Variants in CDKL3 observed in about 807,000 individuals in gnomAD.
CDKL3 encodes the protein cyclin dependent kinase like 3, also known as cyclin-dependent kinase-like 3.
CDKL3 carries 65 observed loss-of-function variants against 69.3 expected under a neutral mutation model. That is an observed-to-expected ratio of 0.94 (90% CI 0.77 to 1.15). The LOEUF (loss-of-function observed/expected upper bound fraction) is 1.15. CDKL3 is among the 50% of genes most tolerant of loss of function. The probability of loss-of-function intolerance (pLI) is 0.00; values close to 1 mark genes in which losing one functional copy is unlikely to be tolerated. For synonymous variants in CDKL3, 202 were observed against 221.6 expected (o/e 0.91, Z 0.79); for missense variants, 652 against 689.2 (o/e 0.95, Z 0.61).
chr5:134,317,882 TG>T (rs1771592374), intron 6 of CDKL3, among the ~76,000 whole-genome samples: 1 of 152,070 alleles, frequency 6.6e-6, no homozygotes, highest in Non-Finnish European at 1.5e-5. Flanking sequence ...CATTCTGACC[TG>T]GGTGAAAGAG....
chr5:134,362,451 C>T (rs1003079373), intron 2 of CDKL3, among the ~76,000 whole-genome samples: 19 of 151,288 alleles, frequency 1.3e-4, no homozygotes, highest in Admixed American at 1.1e-3. Flanking sequence ...CCCGGGAGGC[C>T]GAGGTTGTGG....
intron 4 of CDKL3, among the ~76,000 whole-genome samples, chr5:134,341,968 GC>G (rs1436140233): frequency 6.6e-6 from 1 of 152,094 alleles, no homozygotes; most frequent in African/African-American, 2.4e-5. Flanking sequence ...GCTTTAGGAG[GC>G]CCCTCTTTCT....
downstream of CDKL3, among the ~76,000 whole-genome samples, chr5:134,294,182 C>G (rs899224515): frequency 3.3e-5 from 5 of 152,026 alleles, no homozygotes; most frequent in African/African-American, 9.7e-5. Context: ...GGATTTTAAT[C>G]CCAGGAATGT....
chr5:134,346,892 A>T (rs1752043486), intron 4 of CDKL3, among the ~76,000 whole-genome samples: 1 of 152,196 alleles, frequency 6.6e-6, no homozygotes, highest in Non-Finnish European at 1.5e-5. Flanking sequence ...TTTCTAAAAA[A>T]ATTAATTAGT....
rs1201207358 is a variant in CDKL3, at chr5:134,308,374, T to C, written c.1128A>G (p.Lys376=). The change falls in exon 9 of 13, where the codon AAA becomes AAG. Residue 376 remains lysine, a synonymous_variant. Transcript: ENST00000265334. ...GRGDISEPKK[K]EYEGGLGQQD... ...GTTGACCAAGTCCACCTTCATACTC[T>C]TTCTTTTTTGGTTCTGAGATATCTC... 1 of 1,613,920 alleles carries C rather than the reference T, an allele frequency of 6.2e-7. No individual in the cohort carries two copies. Among genetic ancestry groups the C allele is most frequent in the Non-Finnish European group, 8.5e-7 (1 of 1,179,834 alleles).
At chr5:134,300,455 A>G (rs144124362) in intron 12 of CDKL3, among the ~76,000 whole-genome samples, 3 of 152,308 alleles carry the variant, frequency 2.0e-5, no homozygotes, top group African/African-American at 7.2e-5. Context: ...ATAACTAGCA[A>G]TTCCCTATCT....
At chr5:134,371,464 T>C, upstream of CDKL3, 1 of 1,185,128 alleles carries the variant, frequency 8.4e-7, no homozygotes, top group Non-Finnish European at 1.2e-6. Flanking sequence ...GCAGGGTTGT[T>C]TGTCAGTCTC....
intron 6 of CDKL3, among the ~76,000 whole-genome samples, chr5:134,314,319 A>G (rs1490831650): frequency 6.6e-6 from 1 of 152,216 alleles, no homozygotes; most frequent in Non-Finnish European, 1.5e-5. Context: ...TGTGAATATA[A>G]TTCAGTAAAT....
intron 4 of CDKL3, among the ~76,000 whole-genome samples, chr5:134,329,720 C>T (rs1364992117): frequency 2.6e-5 from 4 of 152,000 alleles, no homozygotes; most frequent in Admixed American, 6.6e-5. Flanking sequence ...CCACCCACCT[C>T]GGCCTCCCAA....
intron 4 of CDKL3, among the ~76,000 whole-genome samples, chr5:134,330,718 G>GA (rs56898124): frequency 7.8e-4 from 117 of 149,754 alleles, no homozygotes; most frequent in African/African-American, 1.3e-3. Context: ...CTGTCTGAAA[G>GA]AAAAAAAAAC....
chr5:134,347,574 AG>A (rs1310085366), intron 4 of CDKL3, among the ~76,000 whole-genome samples: 1 of 152,050 alleles, frequency 6.6e-6, no homozygotes, highest in African/African-American at 2.4e-5. Flanking sequence ...AGCCATAAAA[AG>A]GAATAAAGTG....
chr5:134,322,984 A>G (rs1319141112), intron 4 of CDKL3, among the ~76,000 whole-genome samples: 1 of 152,132 alleles, frequency 6.6e-6, no homozygotes, highest in Non-Finnish European at 1.5e-5. Context: ...AGTCTCAAAA[A>G]AAAAAAAAAA....
chr5:134,292,426 TAAC>T (rs1181453810), intron 8 of CDKL3, among the ~76,000 whole-genome samples: 1 of 152,106 alleles, frequency 6.6e-6, no homozygotes, highest in Admixed American at 6.5e-5. Context: ...GATGATAGGA[TAAC>T]AACATTTAAA....
chr5:134,308,598 C>T lies in CDKL3; in HGVS notation c.1011G>A (p.Leu337=), dbSNP rs199772278. The change falls in exon 8 of 13, where the codon CTG becomes CTA. Residue 337 remains leucine, a synonymous_variant. Coordinates refer to ENST00000265334, the MANE Select transcript of CDKL3 (RefSeq NM_001113575.2). ...DERKTVYTNT[L]LSSSVLGKEI... is the part of the protein sequence containing the mutation. The stretch of plus-strand genomic sequence containing the variant: ...CCTTTCCCAAAACTGAACTACTTAG[C>T]AGTGTATTGGTATAAACTGTTTTTC... 3.9e-5 allele frequency: 62 copies of T among 1,596,452 alleles called. No individual in the cohort carries two copies. Among genetic ancestry groups the T allele is most frequent in the Non-Finnish European group, 4.8e-5 (57 of 1,175,484 alleles).
At chr5:134,339,118 T>G (rs1409233964) in intron 4 of CDKL3, among the ~76,000 whole-genome samples, 1 of 150,212 alleles carries the variant, frequency 6.7e-6, no homozygotes, top group Non-Finnish European at 1.5e-5. Flanking sequence ...GCCAAGATCG[T>G]GCCACTGCAC....
intron 4 of CDKL3, among the ~76,000 whole-genome samples, chr5:134,335,141 CTT>C (rs374206722): frequency 9.6e-5 from 13 of 136,034 alleles, no homozygotes; most frequent in Admixed American, 2.9e-4. Flanking sequence ...TCAACCTCTG[CTT>C]TTTTTTTTTT....
At chr5:134,353,553 C>CTT (rs201057745) in intron 3 of CDKL3, among the ~76,000 whole-genome samples, 13,299 of 138,766 alleles carry the variant, frequency 0.096, 731 homozygotes, top group Admixed American at 0.15. Flanking sequence ...GATCATGTCA[C>CTT]TTTTTTTTTT....
At chr5:134,365,836 T>C (rs1189471035) in intron 2 of CDKL3, among the ~76,000 whole-genome samples, 1 of 152,212 alleles carries the variant, frequency 6.6e-6, no homozygotes, top group African/African-American at 2.4e-5. Context: ...ATGTTGTTCC[T>C]CTAACCTAGA....
chr5:134,319,308 C>T (rs575382368), intron 6 of CDKL3, 50 bp downstream of exon 6: 54 of 1,385,514 alleles, frequency 3.9e-5, no homozygotes, highest in African/African-American at 2.6e-4. Flanking sequence ...ACAGCCTGGG[C>T]GACAGAGCAA....
Sources: allele counts gnomAD v4.1 joint callset (sites outside exome capture counted in the v4.1 genomes callset), GRCh38; gene constraint gnomAD v4.1.1; transcripts MANE v1.5; gene names NCBI Gene and HGNC (gene_info 2026-07-23, HGNC 2026-07-21).